Variants in HCK observed in about 807,000 individuals in gnomAD.
HCK encodes tyrosine-protein kinase HCK.
In HCK, 40 loss-of-function variants were observed where a neutral mutation model predicts 70.4. That is an observed-to-expected ratio of 0.57 (90% CI 0.44 to 0.74). The LOEUF (loss-of-function observed/expected upper bound fraction) is 0.74, where lower values mean the gene tolerates loss of function less well. HCK is among the 30% of genes least tolerant of loss of function. The probability of loss-of-function intolerance (pLI) is 0.00; values close to 1 mark genes in which losing one functional copy is unlikely to be tolerated. For synonymous variants in HCK, 245 were observed against 263.2 expected (o/e 0.93, Z 0.67); for missense variants, 568 against 697.2 (o/e 0.81, Z 2.09).
At chr20:32,076,488 T>C (rs943139543) in intron 5 of HCK, among the ~76,000 whole-genome samples, 2 of 152,176 alleles carry the variant, frequency 1.3e-5, no homozygotes, top group African/African-American at 4.8e-5. Flanking sequence ...CCTCATGTAG[T>C]CCTTGCAGCA....
chr20:32,100,964 A>G (rs563266625), intron 12 of HCK, among the ~76,000 whole-genome samples: 1 of 152,324 alleles, frequency 6.6e-6, no homozygotes. Context: ...TCCTGTCTCT[A>G]TGATGGTCTT....
At chr20:32,071,244 G>A (rs1181208283) in intron 1 of HCK, among the ~76,000 whole-genome samples, 1 of 152,200 alleles carries the variant, frequency 6.6e-6, no homozygotes, top group Admixed American at 6.5e-5. Flanking sequence ...GTGGGTAGGG[G>A]CAGGAAAGTG....
intron 11 of HCK, among the ~76,000 whole-genome samples, chr20:32,094,753 GAAA>G (rs1365936202): frequency 6.3e-5 from 8 of 127,570 alleles, no homozygotes; most frequent in South Asian, 2.6e-4. Flanking sequence ...AAGAAAGAAA[GAAA>G]GAAAGAAGGA....
chr20:32,096,625 C>A (rs988736596), intron 11 of HCK, among the ~76,000 whole-genome samples: 1 of 152,060 alleles, frequency 6.6e-6, no homozygotes, highest in Non-Finnish European at 1.5e-5. Context: ...CCTCAGCCTC[C>A]TGAGTACCTG....
At chr20:32,096,495 G>A (rs1258231030) in intron 11 of HCK, among the ~76,000 whole-genome samples, 11 of 69,352 alleles carry the variant, frequency 1.6e-4, no homozygotes, top group East Asian at 1.3e-3. Context: ...GCGAGACTCC[G>A]TCTCAAAAAA....
chr20:32,097,722 C>G (rs867773499), intron 11 of HCK, among the ~76,000 whole-genome samples: 1 of 148,120 alleles, frequency 6.8e-6, no homozygotes, highest in Non-Finnish European at 1.5e-5. Context: ...AAAACATATA[C>G]ACACACACAC....
chr20:32,064,149 G>A (rs2045422661), intron 1 of HCK, among the ~76,000 whole-genome samples: 1 of 151,818 alleles, frequency 6.6e-6, no homozygotes, highest in Admixed American at 6.6e-5. Flanking sequence ...GATTACAGAT[G>A]CCTGCCACCA....
intron 5 of HCK, among the ~76,000 whole-genome samples, chr20:32,078,514 G>C (rs899660604): frequency 2.0e-5 from 3 of 152,042 alleles, no homozygotes; most frequent in African/African-American, 4.8e-5. Flanking sequence ...CTTCCCAGCT[G>C]TGTGACTCTA....
At chr20:32,078,921 G>A (rs979369865) in intron 5 of HCK, among the ~76,000 whole-genome samples, 25 of 150,066 alleles carry the variant, frequency 1.7e-4, no homozygotes, top group Non-Finnish European at 1.5e-4. Context: ...GAGCTGTTGG[G>A]TGGATAGCAA....
chr20:32,054,557 A>AGCACTTT (rs1302579499), intron 1 of HCK, among the ~76,000 whole-genome samples: 1 of 136,964 alleles, frequency 7.3e-6, no homozygotes, highest in Non-Finnish European at 1.5e-5. Context: ...CTGTAATCCC[A>AGCACTTT]GCACTTTGGG....
chr20:32,070,604 C>G (rs1462987007), intron 1 of HCK, among the ~76,000 whole-genome samples: 3 of 152,150 alleles, frequency 2.0e-5, no homozygotes, highest in African/African-American at 7.2e-5. Flanking sequence ...AAATGCCCTG[C>G]CTAAAAGAGC....
chr20:32,094,807 A>AG (rs1569010744), intron 11 of HCK, among the ~76,000 whole-genome samples: 52 of 89,322 alleles, frequency 5.8e-4, no homozygotes, highest in African/African-American at 1.3e-3. Context: ...GAAAGAAAGA[A>AG]AGAAAGAAAG....
intron 10 of HCK, 56 bp downstream of exon 10, chr20:32,088,700 G>A (rs2045824042): frequency 1.8e-5 from 24 of 1,348,978 alleles, no homozygotes; most frequent in Non-Finnish European, 2.4e-5. Flanking sequence ...TTTTTTACTT[G>A]CCAAATATTT....
chr20:32,065,804 C>A (rs975018944), intron 1 of HCK, among the ~76,000 whole-genome samples: 3 of 152,144 alleles, frequency 2.0e-5, no homozygotes, highest in Admixed American at 2.0e-4. Flanking sequence ...TCGGCCCCAC[C>A]AAACTTCATG....
intron 12 of HCK, among the ~76,000 whole-genome samples, chr20:32,099,796 C>T (rs1225824894): frequency 1.3e-5 from 2 of 152,200 alleles, no homozygotes; most frequent in African/African-American, 4.8e-5. Context: ...GCAGCGGCAT[C>T]CTCATCAGTC....
At chr20:32,060,804 T>C (rs1487591544) in intron 1 of HCK, among the ~76,000 whole-genome samples, 1 of 151,852 alleles carries the variant, frequency 6.6e-6, no homozygotes, top group Non-Finnish European at 1.5e-5. Flanking sequence ...TTGGAGGAAA[T>C]GGCTATGAGA....
At chr20:32,073,654 G>T in intron 3 of HCK, 62 bp from the exon 4 acceptor site, 1 of 1,166,814 alleles carries the variant, frequency 8.6e-7, no homozygotes, top group Non-Finnish European at 1.3e-6. Flanking sequence ...CCGGGTGAGG[G>T]TCACCAAGGG....
At chr20:32,064,372 G>A (rs2045425854) in intron 1 of HCK, among the ~76,000 whole-genome samples, 1 of 152,200 alleles carries the variant, frequency 6.6e-6, no homozygotes, top group African/African-American at 2.4e-5. Flanking sequence ...AGGGGTTGGA[G>A]TCAACTCTAT....
intron 9 of HCK, among the ~76,000 whole-genome samples, chr20:32,088,105 G>A (rs2045815521): frequency 2.6e-5 from 4 of 151,898 alleles, no homozygotes; most frequent in Non-Finnish European, 5.9e-5. Context: ...GGGGTCTTGC[G>A]ATGTTGCCCA....
Sources: allele counts gnomAD v4.1 joint callset (sites outside exome capture counted in the v4.1 genomes callset), GRCh38; gene constraint gnomAD v4.1.1; transcripts MANE v1.5; gene names NCBI Gene and HGNC (gene_info 2026-07-23, HGNC 2026-07-21).